DNAH5: variants seen among roughly 807,000 people sequenced by gnomAD.
DNAH5 encodes dynein axonemal heavy chain 5.
Under a neutral mutation model 518.2 loss-of-function variants are expected in DNAH5, and 372 were observed. The ratio of observed to expected loss-of-function variants is 0.72; its 90% CI spans 0.66 to 0.78. The LOEUF (loss-of-function observed/expected upper bound fraction) is 0.78. DNAH5 is among the 30% of genes least tolerant of loss of function. The pLI is 0.00. For missense variants in DNAH5, 5,523 were observed against 5,687.0 expected (o/e 0.97, Z 0.93); for synonymous variants, 2,039 against 2,025.9 (o/e 1.01, Z -0.17).
chr5:13,955,164 G>T (rs114271599), intron 1 of DNAH5, among the ~76,000 whole-genome samples: 4,830 of 152,094 alleles, frequency 0.032, 253 homozygotes, highest in African/African-American at 0.11. Flanking sequence ...CGCGATTGAG[G>T]TCTCACAAGA....
Position 13,859,574 on chromosome 5 carries a change from T to G in DNAH5, c.4828A>C (p.Lys1610Gln). ...YNMPFKAQIQ[K>Q]WVQYLSNSTD... ...GAGTTGGAAAGGTACTGCACCCATT[T>G]TTGAATCTGGGCTTTGAATGGCATA... The change falls in exon 30 of 79, where the codon AAA becomes CAA. Residue 1610 changes from lysine to glutamine, a missense_variant. Transcript: ENST00000265104. The G allele has an allele frequency of 5.0e-6, 8 of 1,614,126 alleles. No homozygotes were observed. The highest frequency in any genetic ancestry group is 6.8e-6 in the Non-Finnish European group (8 of 1,179,982).
chr5:13,721,300 T>TA (rs1745032123), intron 70 of DNAH5, 55 bp from the exon 71 acceptor site: 21 of 1,610,804 alleles, frequency 1.3e-5, no homozygotes, highest in Non-Finnish European at 1.7e-5. Context: ...TTCATGTAGA[T>TA]AATGTAGTGT....
intron 1 of DNAH5, among the ~76,000 whole-genome samples, chr5:14,009,862 C>A (rs939898932): frequency 6.6e-6 from 1 of 152,130 alleles, no homozygotes; most frequent in African/African-American, 2.4e-5. Context: ...CTCAGTGTGT[C>A]TTAGGAGAAG....
At chr5:13,956,337 G>A (rs1327976643) in intron 1 of DNAH5, among the ~76,000 whole-genome samples, 2 of 152,150 alleles carry the variant, frequency 1.3e-5, no homozygotes, top group Non-Finnish European at 1.5e-5. Context: ...TATAACAGGT[G>A]CTCATTAAAT....
chr5:13,702,202 T>C (rs1316846082), intron 76 of DNAH5, among the ~76,000 whole-genome samples: 1 of 152,206 alleles, frequency 6.6e-6, no homozygotes, highest in Non-Finnish European at 1.5e-5. Flanking sequence ...GATTATAACA[T>C]TTTACTGTAA....
chr5:13,911,089 C>A lies in DNAH5; in HGVS notation c.1644+297G>T, dbSNP rs10068136. 0.015 allele frequency among the ~76,000 whole-genome samples: 2,322 copies of A among 152,304 alleles called. 68 individuals carry two copies. Among genetic ancestry groups the A allele is most frequent in the African/African-American group, 0.053 (2,197 of 41,546 alleles). On this transcript the variant is annotated intron_variant, in intron 12 of 78. Transcript: ENST00000265104. ...ACAAACGGAAATAAGAGTCTACATT[C>A]CAATCGTGCCGCAATGTTCAACAGA...
chr5:13,979,337 C>T (rs1782505189), intron 1 of DNAH5, among the ~76,000 whole-genome samples: 1 of 152,196 alleles, frequency 6.6e-6, no homozygotes, highest in South Asian at 2.1e-4. Context: ...CTTCCTATAG[C>T]ATGAACCATC....
intron 1 of DNAH5, among the ~76,000 whole-genome samples, chr5:13,939,921 C>G (rs1779304840): frequency 6.6e-6 from 1 of 152,164 alleles, no homozygotes; most frequent in Non-Finnish European, 1.5e-5. Context: ...AAGAGCCACG[C>G]TTTCCCTCTA....
chr5:13,803,854 G>T (rs1759144553), intron 47 of DNAH5, among the ~76,000 whole-genome samples: 1 of 152,068 alleles, frequency 6.6e-6, no homozygotes, highest in African/African-American at 2.4e-5. Context: ...ATGTCACTTG[G>T]AAAAGTGGTT....
intron 1 of DNAH5, among the ~76,000 whole-genome samples, chr5:13,967,197 T>G (rs1781584054): frequency 6.6e-6 from 1 of 152,220 alleles, no homozygotes; most frequent in African/African-American, 2.4e-5. Context: ...CCCATTTATT[T>G]ATCTTTGTTT....
At chr5:13,950,573 GC>G (rs1313178398) in intron 1 of DNAH5, among the ~76,000 whole-genome samples, 10 of 152,296 alleles carry the variant, frequency 6.6e-5, no homozygotes, top group Admixed American at 6.5e-4. Context: ...ACCACACCCA[GC>G]CGTATTCTTT....
rs1476919008 is a variant in DNAH5 at position 13,824,136 on chromosome 5, T to C, written c.6579+63A>G. On this transcript the variant is annotated intron_variant, in intron 39 of 78. Coordinates refer to ENST00000265104, the MANE Select transcript of DNAH5 (RefSeq NM_001369.3). Reference sequence around the variant, plus strand: ...TTTAAATAAATATTTTGAAGTCTCATGTATGGGCAGTTAGTTTAACTGATA... The same window carrying C: ...TTTAAATAAATATTTTGAAGTCTCACGTATGGGCAGTTAGTTTAACTGATA... 8 of 1,510,306 alleles carry C rather than the reference T, an allele frequency of 5.3e-6. No individual in the cohort carries two copies. In the Admixed American group the frequency reaches 8.3e-5, roughly 16 times the overall value. 93.6% of individuals were successfully genotyped at this position (1,510,306 alleles called of 1,614,324 possible).
intron 30 of DNAH5, among the ~76,000 whole-genome samples, chr5:13,854,643 C>T (rs1378600031): frequency 3.3e-5 from 5 of 152,024 alleles, no homozygotes; most frequent in Non-Finnish European, 7.4e-5. Flanking sequence ...CAAAGACACA[C>T]ATAGGCTCAA....
chr5:13,923,557 G>T (rs1389050277), intron 3 of DNAH5, 117 bp from the exon 4 acceptor site: 1 of 1,105,870 alleles, frequency 9.0e-7, no homozygotes, highest in Non-Finnish European at 1.3e-6. Context: ...ATGTGCCTTA[G>T]ATGGGTCCAC....
At chr5:13,782,292 C>A (rs1392691190) in intron 52 of DNAH5, among the ~76,000 whole-genome samples, 1 of 152,192 alleles carries the variant, frequency 6.6e-6, no homozygotes, top group African/African-American at 2.4e-5. Context: ...AATTCCCTCA[C>A]TAGCTGCAGT....
intron 1 of DNAH5, among the ~76,000 whole-genome samples, chr5:13,976,887 A>G (rs1782301471): frequency 1.3e-5 from 2 of 152,282 alleles, no homozygotes; most frequent in Admixed American, 6.5e-5. Flanking sequence ...TCTATGAAAA[A>G]TAACATTTAT....
intron 40 of DNAH5, among the ~76,000 whole-genome samples, chr5:13,821,052 T>G (rs1031539025): frequency 6.6e-6 from 1 of 152,170 alleles, no homozygotes; most frequent in East Asian, 1.9e-4. Context: ...GTAAATTTTA[T>G]GTTGTATTTT....
intron 1 of DNAH5, among the ~76,000 whole-genome samples, chr5:13,942,329 G>A (rs1779537388): frequency 1.3e-5 from 2 of 152,152 alleles, no homozygotes. Flanking sequence ...GTGGAACTTA[G>A]TTAAATATAT....
intron 14 of DNAH5, 138 bp downstream of exon 14, chr5:13,901,114 T>C (rs1774542165): frequency 3.5e-6 from 3 of 866,288 alleles, no homozygotes; most frequent in African/African-American, 3.4e-5. Context: ...CATATTACAC[T>C]CTGAACGCTT....
Sources: allele counts gnomAD v4.1 joint callset (sites outside exome capture counted in the v4.1 genomes callset), GRCh38; gene constraint gnomAD v4.1.1; transcripts MANE v1.5; gene names NCBI Gene and HGNC (gene_info 2026-07-23, HGNC 2026-07-21).